The following NCAM2 variants were observed in gnomAD, a reference collection of about 807,000 sequenced individuals.
NCAM2 encodes the protein neural cell adhesion molecule 2, also known as N-CAM-2.
Under a neutral mutation model 98.1 loss-of-function variants are expected in NCAM2, and 30 were observed. That is an observed-to-expected ratio of 0.31 (90% CI 0.23 to 0.41). NCAM2 has a LOEUF of 0.41. Ranked by LOEUF, NCAM2 falls within the 10% of genes least tolerant of loss-of-function variation. The probability of loss-of-function intolerance (pLI) is 1.00; values close to 1 mark genes in which losing one functional copy is unlikely to be tolerated. For missense variants in NCAM2, 867 were observed against 1,005.8 expected (o/e 0.86, Z 1.87); for synonymous variants, 368 against 342.4 (o/e 1.07, Z -0.83).
chr21:21,190,860 A>G (rs866480549), intron 1 of NCAM2, among the ~76,000 whole-genome samples: 1 of 152,186 alleles, frequency 6.6e-6, no homozygotes, highest in South Asian at 2.1e-4. Flanking sequence ...AATTCCTACC[A>G]TATGTAAAGT....
At position 21,297,561 on chromosome 21, in the gene NCAM2, A is replaced by G. The variant is rs73894606; in HGVS notation, c.619+5320A>G. The stretch of plus-strand genomic sequence containing the variant: ...GATTGGCTACCTTTTCCATAAATTC[A>G]TATTCTTTTAACTAGATAATTGTGC... On this transcript the variant is annotated intron_variant, in intron 5 of 17. Transcript: ENST00000400546. Among the ~76,000 whole-genome samples the G allele has an allele frequency of 4.0e-3, 609 of 151,886 alleles. 7 individuals are homozygous for G. The highest frequency in any genetic ancestry group is 0.014 in the African/African-American group (588 of 41,518).
chr21:21,345,776 A>G (rs1736591232), intron 8 of NCAM2, among the ~76,000 whole-genome samples: 1 of 152,130 alleles, frequency 6.6e-6, no homozygotes, highest in African/African-American at 2.4e-5. Flanking sequence ...ATAGAACACA[A>G]AAGATTTCCC....
chr21:21,429,525 A>G (rs1207497515), intron 11 of NCAM2, among the ~76,000 whole-genome samples: 4 of 152,158 alleles, frequency 2.6e-5, no homozygotes, highest in African/African-American at 9.7e-5. Flanking sequence ...AGATTGAAGA[A>G]TTGGCATTTT....
At chr21:21,313,023 C>G (rs2074105963) in intron 5 of NCAM2, among the ~76,000 whole-genome samples, 2 of 151,650 alleles carry the variant, frequency 1.3e-5, no homozygotes, top group Non-Finnish European at 2.9e-5. Context: ...ATAATGTTAT[C>G]TGGATTTTTT....
chr21:21,219,695 T>C (rs11701884), intron 1 of NCAM2, among the ~76,000 whole-genome samples: 137,385 of 152,214 alleles, frequency 0.9, 62,617 homozygotes, highest in Non-Finnish European at 0.98. Flanking sequence ...TTAGAGTGTA[T>C]CTTTTCTACT....
chr21:21,381,448 C>T (rs548843307), intron 9 of NCAM2, among the ~76,000 whole-genome samples: 142 of 151,236 alleles, frequency 9.4e-4, no homozygotes, highest in Middle Eastern at 3.4e-3. Flanking sequence ...TTGAGTTATT[C>T]GAAGTTTTAG....
intron 1 of NCAM2, among the ~76,000 whole-genome samples, chr21:21,071,077 C>G (rs978675127): frequency 6.6e-6 from 1 of 152,134 alleles, no homozygotes; most frequent in Non-Finnish European, 1.5e-5. Context: ...TGATTACAAA[C>G]ACATAATCAA....
chr21:21,312,542 T>G (rs2074089449), intron 5 of NCAM2, among the ~76,000 whole-genome samples: 1 of 150,882 alleles, frequency 6.6e-6, no homozygotes, highest in African/African-American at 2.4e-5. Context: ...CTGATAACAG[T>G]ATTGTGTCAG....
At chr21:21,416,497 A>G (rs927886410) in intron 10 of NCAM2, among the ~76,000 whole-genome samples, 1 of 139,008 alleles carries the variant, frequency 7.2e-6, no homozygotes, top group Non-Finnish European at 1.6e-5. Flanking sequence ...AATTTGTGAA[A>G]AAAAAAAAGA....
chr21:21,159,194 TATA>T (rs546097073), intron 1 of NCAM2, among the ~76,000 whole-genome samples: 4 of 152,202 alleles, frequency 2.6e-5, no homozygotes, highest in East Asian at 1.9e-4. Flanking sequence ...CATATAGCTG[TATA>T]ATATGTTTGT....
rs188301308 is a variant in NCAM2, at chr21:21,060,226, C to G, written c.55+61608C>G. 2.1e-4 allele frequency among the ~76,000 whole-genome samples: 32 copies of G among 152,132 alleles called. No individual in the cohort carries two copies. In the East Asian group the frequency reaches 6.0e-3, roughly 28 times the overall value. ...AAGGTAGTATTTTGATGTGTTTCAG[C>G]TTACCACATCACTAAAAAACAGTAA... On this transcript the variant is annotated intron_variant, in intron 1 of 17. Transcript: ENST00000400546.
intron 1 of NCAM2, among the ~76,000 whole-genome samples, chr21:21,091,451 C>A (rs559671191): frequency 9.9e-5 from 15 of 151,998 alleles, no homozygotes; most frequent in South Asian, 2.1e-4. Context: ...CATTAAAGTA[C>A]ATAGTGATTT....
intron 12 of NCAM2, among the ~76,000 whole-genome samples, chr21:21,450,302 T>TTG (rs144156360): frequency 3.3e-4 from 49 of 148,244 alleles, no homozygotes; most frequent in Middle Eastern, 3.5e-3. Flanking sequence ...GTGTGTGTGT[T>TTG]TGTGTGTGTG....
intron 8 of NCAM2, among the ~76,000 whole-genome samples, chr21:21,345,739 A>G (rs1259119098): frequency 1.3e-5 from 2 of 152,094 alleles, no homozygotes; most frequent in Non-Finnish European, 2.9e-5. Flanking sequence ...CTAGAGAAAA[A>G]TATCAATATC....
At chr21:21,427,498 G>A (rs1441862016) in intron 11 of NCAM2, among the ~76,000 whole-genome samples, 1 of 152,168 alleles carries the variant, frequency 6.6e-6, no homozygotes, top group African/African-American at 2.4e-5. Flanking sequence ...ATATAAAGAT[G>A]TACAGCATGA....
intron 12 of NCAM2, among the ~76,000 whole-genome samples, chr21:21,454,945 C>G (rs540061807): frequency 6.6e-6 from 1 of 152,026 alleles, no homozygotes; most frequent in South Asian, 2.1e-4. Flanking sequence ...TTTGCATTCT[C>G]ATAGCCTTAA....
chr21:21,108,217 C>T (rs974521171), intron 1 of NCAM2, among the ~76,000 whole-genome samples: 1 of 151,876 alleles, frequency 6.6e-6, no homozygotes, highest in African/African-American at 2.4e-5. Flanking sequence ...TAATTTGACT[C>T]ATAAAGACTT....
chr21:21,421,467 T>C lies in NCAM2; in HGVS notation c.1480+2898T>C, dbSNP rs2077110356. ...GCTAAGAATTTGTTTTAGAAAAAGG[T>C]GGATTCAGTTGAAATTGTAATGAAG... On this transcript the variant is annotated intron_variant, in intron 11 of 17. Transcript: ENST00000400546. 4.6e-5 allele frequency among the ~76,000 whole-genome samples: 7 copies of C among 152,204 alleles called. No individual in the cohort carries two copies. The South Asian group carries it at 1.2e-3, about 27-fold the overall frequency.
intron 1 of NCAM2, among the ~76,000 whole-genome samples, chr21:21,065,140 A>G (rs374894339): frequency 1.3e-4 from 20 of 152,234 alleles, no homozygotes; most frequent in African/African-American, 4.3e-4. Context: ...AGATCACACC[A>G]CTGCACTCCA....
Sources: allele counts gnomAD v4.1 joint callset (sites outside exome capture counted in the v4.1 genomes callset), GRCh38; gene constraint gnomAD v4.1.1; transcripts MANE v1.5; gene names NCBI Gene and HGNC (gene_info 2026-07-23, HGNC 2026-07-21).